RFX3: variants seen among roughly 807,000 people sequenced by gnomAD.
RFX3 encodes transcription factor RFX3.
A neutral mutation model predicts 98.6 loss-of-function variants in RFX3; 14 were observed. The ratio of observed to expected loss-of-function variants is 0.14; its 90% CI spans 0.09 to 0.22. The LOEUF (loss-of-function observed/expected upper bound fraction) is 0.22. RFX3 is among the 10% of genes least tolerant of loss of function. The pLI is 1.00. For synonymous variants in RFX3, 383 were observed against 328.4 expected (o/e 1.17, Z -1.80); for missense variants, 639 against 926.9 (o/e 0.69, Z 4.03).
At chr9:3,481,422 C>G (rs1473972519) in intron 1 of RFX3, among the ~76,000 whole-genome samples, 1 of 152,004 alleles carries the variant, frequency 6.6e-6, no homozygotes, top group African/African-American at 2.4e-5. Flanking sequence ...ACACATCTAA[C>G]TAACATGAAC....
chr9:3,253,880 T>C (rs1821756359), intron 14 of RFX3, among the ~76,000 whole-genome samples: 1 of 152,160 alleles, frequency 6.6e-6, no homozygotes, highest in Non-Finnish European at 1.5e-5. Flanking sequence ...AGTTTGTGAA[T>C]GTAATTTTCA....
chr9:3,514,637 C>A (rs1282617114), intron 1 of RFX3, among the ~76,000 whole-genome samples: 1 of 152,082 alleles, frequency 6.6e-6, no homozygotes. Context: ...TTTGTAGAAA[C>A]AGGGTCTCAC....
chr9:3,441,457 C>G (rs1052328321), intron 1 of RFX3, among the ~76,000 whole-genome samples: 4 of 152,048 alleles, frequency 2.6e-5, no homozygotes, highest in African/African-American at 9.7e-5. Context: ...ATATAATAAG[C>G]TCTAAAAACA....
In RFX3 at chr9:3,366,693, C is replaced by CTTTCCTTT. The variant is rs1554681220; in HGVS notation, c.118-19930_118-19929insAAAGGAAA. ...CTTTCTCTTTCTTTCTTCTTTCTTT[C>CTTTCCTTT]CTTTCTTTCTTTCTTTCTTTCTTTC... On this transcript the variant is annotated intron_variant, in intron 2 of 16. Transcript: ENST00000617270. 2.8e-4 allele frequency among the ~76,000 whole-genome samples: 24 copies of CTTTCCTTT among 85,438 alleles called. 2 individuals are homozygous for CTTTCCTTT. Among genetic ancestry groups the CTTTCCTTT allele is most frequent in the African/African-American group, 1.2e-3 (23 of 19,252 alleles). 56.1% of individuals were successfully genotyped at this position (85,438 alleles called of 152,430 possible). A position where few individuals can be genotyped will look rare whatever the true frequency, so the allele number is the denominator to read the frequency against.
intron 4 of RFX3, among the ~76,000 whole-genome samples, chr9:3,310,809 T>C (rs943560869): frequency 1.3e-5 from 2 of 152,138 alleles, no homozygotes; most frequent in East Asian, 3.9e-4. Context: ...CATATACAAA[T>C]ATAAAATGAA....
chr9:3,440,969 G>T (rs1193027973), intron 1 of RFX3, among the ~76,000 whole-genome samples: 1 of 152,124 alleles, frequency 6.6e-6, no homozygotes, highest in Non-Finnish European at 1.5e-5. Flanking sequence ...AGATGCAAAG[G>T]CATCCAAGTA....
At chr9:3,251,351 A>AT (rs969965525) in intron 14 of RFX3, among the ~76,000 whole-genome samples, 20 of 147,680 alleles carry the variant, frequency 1.4e-4, no homozygotes, top group African/African-American at 2.5e-4. Context: ...AAAATTAATT[A>AT]TTTTTTTTTT....
chr9:3,446,987 G>C (rs183608729), intron 1 of RFX3, among the ~76,000 whole-genome samples: 70 of 152,164 alleles, frequency 4.6e-4, no homozygotes, highest in African/African-American at 1.6e-3. Flanking sequence ...ATGTTCTAAA[G>C]CAATCTTCTG....
chr9:3,451,550 A>G (rs543053048), intron 1 of RFX3, among the ~76,000 whole-genome samples: 5 of 152,210 alleles, frequency 3.3e-5, no homozygotes, highest in Admixed American at 6.5e-5. Flanking sequence ...AAAGATAATA[A>G]ATAAGTTTTG....
intron 15 of RFX3, among the ~76,000 whole-genome samples, chr9:3,231,633 A>G (rs1818462373): frequency 1.3e-5 from 2 of 152,096 alleles, no homozygotes; most frequent in African/African-American, 4.8e-5. Flanking sequence ...AACCAATTGC[A>G]TGGGTTTATG....
chr9:3,357,867 A>C (rs78377602), intron 2 of RFX3, among the ~76,000 whole-genome samples: 8,282 of 152,128 alleles, frequency 0.054, 750 homozygotes, highest in African/African-American at 0.19. Context: ...AATATGAACA[A>C]CTATAATATA....
intron 1 of RFX3, among the ~76,000 whole-genome samples, chr9:3,467,654 C>A (rs753863181): frequency 6.6e-6 from 1 of 152,008 alleles, no homozygotes. Context: ...AATAACTAGT[C>A]TTCAAAAGAG....
chr9:3,305,428 G>C (rs754884008), intron 4 of RFX3, among the ~76,000 whole-genome samples: 1 of 151,974 alleles, frequency 6.6e-6, no homozygotes, highest in Non-Finnish European at 1.5e-5. Context: ...AGCAAAGTGT[G>C]CCCAATAAAT....
At chr9:3,490,318 C>T (rs992220656) in intron 1 of RFX3, 3 of 983,848 alleles carry the variant, frequency 3.0e-6, no homozygotes. Context: ...GTATTCTCTA[C>T]CATAAAATGC....
chr9:3,333,529 T>C (rs1832832828), intron 3 of RFX3, among the ~76,000 whole-genome samples: 1 of 151,880 alleles, frequency 6.6e-6, no homozygotes, highest in African/African-American at 2.4e-5. Context: ...GGAAATCTCA[T>C]TTGTTTCTTT....
intron 1 of RFX3, among the ~76,000 whole-genome samples, chr9:3,521,531 A>G (rs747256327): frequency 1.9e-4 from 29 of 152,338 alleles, no homozygotes; most frequent in Admixed American, 7.8e-4. Context: ...ATCTGTTATA[A>G]GAAATATAAA....
intron 1 of RFX3, among the ~76,000 whole-genome samples, chr9:3,474,517 TAGA>T (rs1228475944): frequency 2.0e-5 from 3 of 152,190 alleles, no homozygotes; most frequent in Admixed American, 2.0e-4. Flanking sequence ...CACAAACTCA[TAGA>T]AGCTCATAAT....
At chr9:3,386,041 C>A (rs1839684093) in intron 2 of RFX3, among the ~76,000 whole-genome samples, 1 of 152,182 alleles carries the variant, frequency 6.6e-6, no homozygotes, top group African/African-American at 2.4e-5. Context: ...CTCTGCAGAT[C>A]AGAGGAAGTT....
chr9:3,422,460 A>G (rs917574525), intron 1 of RFX3, among the ~76,000 whole-genome samples: 3 of 151,930 alleles, frequency 2.0e-5, no homozygotes, highest in Non-Finnish European at 4.4e-5. Context: ...GATCTGCCCA[A>G]CCTTACAAGA....
Sources: gnomAD v4.1 joint callset for allele counts (sites outside exome capture counted in the v4.1 genomes callset) on GRCh38, gnomAD v4.1.1 for gene constraint, MANE v1.5 for transcripts, NCBI Gene and HGNC (gene_info 2026-07-23, HGNC 2026-07-21) for gene names.